TENM4: variants seen among roughly 807,000 people sequenced by gnomAD.
The protein encoded by TENM4 is teneurin transmembrane protein 4.
TENM4 carries 82 observed loss-of-function variants against 243.3 expected under a neutral mutation model. The ratio of observed to expected loss-of-function variants is 0.34; its 90% confidence interval spans 0.28 to 0.40. TENM4 has a LOEUF of 0.40. Ranked by LOEUF, TENM4 falls within the 10% of genes least tolerant of loss-of-function variation. The pLI is 1.00. For missense variants in TENM4, 3,138 were observed against 3,673.3 expected (o/e 0.85, Z 3.77); for synonymous variants, 1,412 against 1,456.3 (o/e 0.97, Z 0.69).
At chr11:78,812,596 AG>A (rs1387517045) in intron 13 of TENM4, among the ~76,000 whole-genome samples, 1 of 152,210 alleles carries the variant, frequency 6.6e-6, no homozygotes, top group Non-Finnish European at 1.5e-5. Context: ...AGTGGCTGCC[AG>A]GAACCTCAGA....
intron 1 of TENM4, among the ~76,000 whole-genome samples, chr11:79,429,288 A>G (rs1859118002): frequency 6.6e-6 from 1 of 152,154 alleles, no homozygotes; most frequent in Non-Finnish European, 1.5e-5. Context: ...ATAACCTGCA[A>G]TAGACTCCTA....
chr11:79,021,321 C>A (rs1858920107), intron 6 of TENM4, among the ~76,000 whole-genome samples: 1 of 152,176 alleles, frequency 6.6e-6, no homozygotes, highest in Non-Finnish European at 1.5e-5. Context: ...GGTTCCTCTT[C>A]TATCTAGGAC....
At chr11:79,313,474 C>G (rs1327948266) in intron 1 of TENM4, among the ~76,000 whole-genome samples, 1 of 152,198 alleles carries the variant, frequency 6.6e-6, no homozygotes, top group Non-Finnish European at 1.5e-5. Flanking sequence ...TAATGGACAC[C>G]AGAAAGCTAG....
At chr11:79,161,521 G>T (rs1862746173) in intron 3 of TENM4, among the ~76,000 whole-genome samples, 1 of 152,184 alleles carries the variant, frequency 6.6e-6, no homozygotes, top group Non-Finnish European at 1.5e-5. Flanking sequence ...CAGAGGGGAA[G>T]GCCATGTGAA....
At chr11:78,685,757 T>C (rs1858650578) in intron 29 of TENM4, among the ~76,000 whole-genome samples, 1 of 152,182 alleles carries the variant, frequency 6.6e-6, no homozygotes, top group Non-Finnish European at 1.5e-5. Flanking sequence ...AAGGACAAGA[T>C]GTCTGAGTAA....
At chr11:79,180,289 C>A (rs1863255721) in intron 3 of TENM4, among the ~76,000 whole-genome samples, 1 of 151,694 alleles carries the variant, frequency 6.6e-6, no homozygotes, top group African/African-American at 2.4e-5. Flanking sequence ...TCTGTAACTA[C>A]CATACTAGGT....
intron 6 of TENM4, among the ~76,000 whole-genome samples, chr11:78,936,483 C>G (rs943415842): frequency 6.6e-6 from 1 of 152,148 alleles, no homozygotes; most frequent in African/African-American, 2.4e-5. Flanking sequence ...TGTGTTCACT[C>G]AAGTATTTCT....
chr11:79,153,997 A>G (rs1862556590), intron 3 of TENM4, among the ~76,000 whole-genome samples: 1 of 152,158 alleles, frequency 6.6e-6, no homozygotes, highest in Non-Finnish European at 1.5e-5. Context: ...ACTCAAAAAC[A>G]CTGGGTGTGA....
chr11:79,129,519 G>C (rs1370966619), intron 4 of TENM4, among the ~76,000 whole-genome samples: 1 of 152,144 alleles, frequency 6.6e-6, no homozygotes, highest in African/African-American at 2.4e-5. Context: ...AAACAGACTC[G>C]GTGCTGTTTG....
At chr11:79,093,735 G>A (rs1195742520) in intron 4 of TENM4, 1 of 152,218 alleles carries the variant, frequency 6.6e-6, no homozygotes, top group Non-Finnish European at 1.5e-5. Context: ...TGTCTCATAG[G>A]TGCAAATCTC....
At chr11:79,002,017 C>T (rs922173950) in intron 6 of TENM4, among the ~76,000 whole-genome samples, 3 of 152,200 alleles carry the variant, frequency 2.0e-5, no homozygotes, top group African/African-American at 7.2e-5. Context: ...CAGGGTGCAC[C>T]TGGCTTCCCC....
intron 1 of TENM4, among the ~76,000 whole-genome samples, chr11:79,318,575 T>C (rs1240920372): frequency 6.6e-6 from 1 of 152,128 alleles, no homozygotes; most frequent in African/African-American, 2.4e-5. Flanking sequence ...AAGGTGGAGT[T>C]GGAAAGAGAT....
chr11:79,232,822 C>G lies in TENM4; in HGVS notation c.-264-16913G>C, dbSNP rs146716621. Among the ~76,000 whole-genome samples, 989 of 152,320 alleles carry G rather than the reference C, an allele frequency of 6.5e-3. 10 individuals carry two copies. Among genetic ancestry groups the G allele is most frequent in the South Asian group, 0.023 (112 of 4,822 alleles). On this transcript the variant is annotated intron_variant, in intron 2 of 33. Coordinates refer to ENST00000278550, the MANE Select transcript of TENM4 (RefSeq NM_001098816.3). Reference sequence around the variant, plus strand: ...TCAGTGATCTGGTTGGAGGTTGGAACCTGGGCAAAAGCTCACCAGGACACC... The same window carrying G: ...TCAGTGATCTGGTTGGAGGTTGGAAGCTGGGCAAAAGCTCACCAGGACACC...
chr11:79,132,819 A>G (rs55924641), intron 4 of TENM4, among the ~76,000 whole-genome samples: 8,414 of 152,224 alleles, frequency 0.055, 336 homozygotes, highest in Non-Finnish European at 0.078. Flanking sequence ...GACACAACCT[A>G]TCAACACCTC....
chr11:79,381,604 A>T (rs1357480475), intron 1 of TENM4, among the ~76,000 whole-genome samples: 2 of 150,234 alleles, frequency 1.3e-5, no homozygotes, highest in Non-Finnish European at 3.0e-5. Flanking sequence ...TCTAGTGTGC[A>T]AGGTAGACAG....
At chr11:78,688,611 T>G (rs1164938058) in intron 28 of TENM4, among the ~76,000 whole-genome samples, 3 of 152,142 alleles carry the variant, frequency 2.0e-5, no homozygotes, top group African/African-American at 4.8e-5. Context: ...CCAGAAATGA[T>G]GTAGTCAAGC....
At chr11:79,086,075 C>G (rs11605580) in intron 4 of TENM4, among the ~76,000 whole-genome samples, 1 of 152,050 alleles carries the variant, frequency 6.6e-6, no homozygotes, top group Non-Finnish European at 1.5e-5. Context: ...AGGAATCATA[C>G]CTCCCTGTTT....
At chr11:78,876,193 T>C (rs1360279551) in intron 9 of TENM4, among the ~76,000 whole-genome samples, 2 of 152,180 alleles carry the variant, frequency 1.3e-5, no homozygotes, top group African/African-American at 2.4e-5. Context: ...GAGAGTGCAT[T>C]GACTGCTGGA....
At chr11:78,893,925 A>G (rs1224496006) in intron 7 of TENM4, among the ~76,000 whole-genome samples, 1 of 152,150 alleles carries the variant, frequency 6.6e-6, no homozygotes. Context: ...TTATCTGATT[A>G]TTGTGCTTTT....
Sources: allele counts gnomAD v4.1 joint callset (sites outside exome capture counted in the v4.1 genomes callset), GRCh38; gene constraint gnomAD v4.1.1; transcripts MANE v1.5; gene names NCBI Gene and HGNC (gene_info 2026-07-23, HGNC 2026-07-21).